Variants in SNRPB2 observed in about 807,000 individuals in gnomAD.
SNRPB2 encodes small nuclear ribonucleoprotein polypeptide B2.
SNRPB2 carries 16 observed loss-of-function variants against 26.3 expected under a neutral mutation model. That is an observed-to-expected ratio of 0.61 (90% confidence interval 0.41 to 0.92). The LOEUF is 0.92. Among genes scored for constraint, SNRPB2 ranks in the 40% least tolerant of loss-of-function variants. The pLI is 0.00. For missense variants in SNRPB2, 179 were observed against 268.1 expected (o/e 0.67, Z 2.32); for synonymous variants, 75 against 89.0 (o/e 0.84, Z 0.88).
chr20:16,735,612 A>T (rs142502173), intron 3 of SNRPB2, among the ~76,000 whole-genome samples: 1 of 152,168 alleles, frequency 6.6e-6, no homozygotes, highest in Non-Finnish European at 1.5e-5. Flanking sequence ...GACCTACTAC[A>T]TCAGAGCTTT....
chr20:16,731,535 A>G, intron 1 of SNRPB2, 133 bp from the exon 2 acceptor site: 1 of 831,864 alleles, frequency 1.2e-6, no homozygotes, highest in East Asian at 2.8e-5. Context: ...GGTGCTGGAG[A>G]TACAATAAAG....
rs143216482 is a variant in SNRPB2, at chr20:16,739,144, T to G, written c.429+242T>G. Among the ~76,000 whole-genome samples the G allele has an allele frequency of 1.7e-3, 256 of 152,294 alleles. 2 individuals carry two copies. Among genetic ancestry groups the G allele is most frequent in the Middle Eastern group, 0.014 (4 of 294 alleles). On this transcript the variant is annotated intron_variant, in intron 5 of 6. Coordinates refer to ENST00000246071, the MANE Select transcript of SNRPB2 (RefSeq NM_003092.5). ...TTTCCATAATGAATCAATGACAGAA[T>G]CAAAATGACAGACTTTAAACTCTAA... is the stretch of plus-strand genomic sequence containing the variant.
In SNRPB2 at chr20:16,741,591, AAAC is replaced by A. The variant is rs2072463123; in HGVS notation, c.*588_*590del. The A allele has an allele frequency of 2.6e-5, 4 of 152,220 alleles. No homozygotes were observed. The East Asian group carries it at 7.7e-4, about 29-fold the overall frequency. 9.4% of individuals were successfully genotyped at this position (152,220 alleles called of 1,614,324 possible). A position where few individuals can be genotyped will look rare whatever the true frequency, so the allele number is the denominator to read the frequency against. On this transcript the variant is annotated 3_prime_UTR_variant, in exon 7 of 7. Transcript: ENST00000246071. ...AGGCTGTTCTTACTGTTTACTGAGA[AAAC>A]AGAAAGGGAATGCTATCTTCACACT...
chr20:16,742,136 T>C lies in SNRPB2; in HGVS notation c.*1131T>C, dbSNP rs2072466918. On this transcript the variant is annotated 3_prime_UTR_variant, in exon 7 of 7. Transcript: ENST00000246071. ...GAAAAAAATGTTTCCTATAACTTTGTCACAGTTAGTCTGACTCTTCTGAAT... is the reference window on the plus strand; with the variant it reads ...GAAAAAAATGTTTCCTATAACTTTGCCACAGTTAGTCTGACTCTTCTGAAT... 1 of 152,224 alleles carries C rather than the reference T, an allele frequency of 6.6e-6. No individual in the cohort carries two copies. Among genetic ancestry groups the C allele is most frequent in the Admixed American group, 6.5e-5 (1 of 15,276 alleles). The allele number at this position is 152,224 out of a possible 1,614,324, so 9.4% of individuals were successfully genotyped here.
At chr20:16,738,038 CA>C (rs1042055719) in intron 4 of SNRPB2, among the ~76,000 whole-genome samples, 37 of 55,778 alleles carry the variant, frequency 6.6e-4, no homozygotes, top group Non-Finnish European at 9.2e-4. Context: ...GACTCTGTCT[CA>C]AAAAAAAAAA....
In SNRPB2 at chr20:16,740,525, G is replaced by A. The variant is rs994372742; in HGVS notation, c.518+112G>A. 9.4e-6 allele frequency: 14 copies of A among 1,486,570 alleles called. No individual in the cohort carries two copies. The African/African-American group carries it at 1.8e-4, about 19-fold the overall frequency. The allele number at this position is 1,486,570 out of a possible 1,614,324, so 92.1% of individuals were successfully genotyped here. Reference sequence around the variant, plus strand: ...AGCAGTAATTCCTTACAGGTTCATTGATTTGGTTTGGGATGAATCATGAAT... The same window carrying A: ...AGCAGTAATTCCTTACAGGTTCATTAATTTGGTTTGGGATGAATCATGAAT... On this transcript the variant is annotated intron_variant, in intron 6 of 6. Transcript: ENST00000246071.
At chr20:16,736,046 G>A (rs1489496085) in intron 3 of SNRPB2, among the ~76,000 whole-genome samples, 3 of 152,116 alleles carry the variant, frequency 2.0e-5, no homozygotes, top group African/African-American at 7.2e-5. Flanking sequence ...TTAAACACAC[G>A]TGCTTATAGC....
chr20:16,737,032 A>G (rs576527069), intron 3 of SNRPB2, among the ~76,000 whole-genome samples: 188 of 152,280 alleles, frequency 1.2e-3, no homozygotes, highest in African/African-American at 4.3e-3. Context: ...ACATGAAAAT[A>G]TATGTTTTTT....
At chr20:16,736,905 A>G (rs759774172) in intron 3 of SNRPB2, among the ~76,000 whole-genome samples, 3 of 152,232 alleles carry the variant, frequency 2.0e-5, no homozygotes, top group Non-Finnish European at 4.4e-5. Flanking sequence ...CAGGATTCCA[A>G]AGCCCGCTGG....
intron 3 of SNRPB2, among the ~76,000 whole-genome samples, chr20:16,734,274 C>T (rs2072411440): frequency 6.6e-6 from 1 of 152,092 alleles, no homozygotes; most frequent in Non-Finnish European, 1.5e-5. Flanking sequence ...CAGATACTGC[C>T]AAATCTCCAT....
chr20:16,739,106 C>T lies in SNRPB2; in HGVS notation c.429+204C>T, dbSNP rs75800849. 8.5e-5 allele frequency among the ~76,000 whole-genome samples: 13 copies of T among 152,300 alleles called. No homozygotes were observed. The East Asian group carries it at 2.3e-3, about 27-fold the overall frequency. On this transcript the variant is annotated intron_variant, in intron 5 of 6. Coordinates refer to ENST00000246071, the MANE Select transcript of SNRPB2 (RefSeq NM_003092.5). ...TTTAGAGAGAGAAAACGACACCTGA[C>T]TTTATTTCTTGTTTTCCATAATGAA...
rs1186048773 is a variant in SNRPB2 at position 16,742,292 on chromosome 20, C to A, written c.*1287C>A. On this transcript the variant is annotated 3_prime_UTR_variant, in exon 7 of 7. Transcript: ENST00000246071. The stretch of plus-strand genomic sequence containing the variant: ...TGCTGATAAATTTTCTAACTGCTTA[C>A]TCTCGGATACCGTACTTGTCTAAGA... 1.3e-5 allele frequency: 2 copies of A among 152,128 alleles called. No individual in the cohort carries two copies. Among genetic ancestry groups the A allele is most frequent in the African/African-American group, 4.8e-5 (2 of 41,420 alleles). 9.4% of individuals were successfully genotyped at this position (152,128 alleles called of 1,614,324 possible). A position where few individuals can be genotyped will look rare whatever the true frequency, so the allele number is the denominator to read the frequency against.
intron 6 of SNRPB2, 78 bp from the exon 7 acceptor site, chr20:16,740,768 A>G: frequency 3.7e-6 from 4 of 1,075,250 alleles, no homozygotes; most frequent in Non-Finnish European, 5.5e-6. Flanking sequence ...TAGTATTAGG[A>G]AGTTGCTTAA....
In SNRPB2 at chr20:16,731,682, C is replaced by T. The variant is rs1157463646; in HGVS notation, c.-21C>T. 1.2e-6 allele frequency: 2 copies of T among 1,611,006 alleles called. No homozygotes were observed. Among genetic ancestry groups the T allele is most frequent in the African/African-American group, 2.7e-5 (2 of 74,844 alleles). On this transcript the variant is annotated 5_prime_UTR_variant, in exon 2 of 7. Coordinates refer to ENST00000246071, the MANE Select transcript of SNRPB2 (RefSeq NM_003092.5). Reference sequence around the variant, plus strand: ...TTTTATAACAGATTTTTTACTGTCTCCTGAAGAATTTAACACAAACATGGA... The same window carrying T: ...TTTTATAACAGATTTTTTACTGTCTTCTGAAGAATTTAACACAAACATGGA...
chr20:16,738,790 A>T, intron 4 of SNRPB2, 62 bp from the exon 5 acceptor site: 1 of 873,808 alleles, frequency 1.1e-6, no homozygotes, highest in East Asian at 2.4e-5. Flanking sequence ...TTATAAATAT[A>T]AATACCTGCT....
chr20:16,734,388 CA>C (rs1188698881), intron 3 of SNRPB2, among the ~76,000 whole-genome samples: 2 of 152,050 alleles, frequency 1.3e-5, no homozygotes, highest in South Asian at 2.1e-4. Context: ...CAGAAATGAA[CA>C]AAATTTGCTA....
chr20:16,732,250 C>A lies in SNRPB2; in HGVS notation c.151C>A (p.Gln51Lys). 1 of 1,599,416 alleles carries A rather than the reference C, an allele frequency of 6.3e-7. No individual in the cohort carries two copies. The change falls in exon 3 of 7, where the codon CAG (glutamine) becomes AAG (lysine). Residue 51 changes from glutamine to lysine, a missense_variant. By Grantham distance (53) the Gln-to-Lys change is moderately conservative (BLOSUM62 1). Coordinates refer to ENST00000246071, the MANE Select transcript of SNRPB2 (RefSeq NM_003092.5). ...VALKTMKMRG[Q>K]AFVIFKELGS... ...TTTAAAGACCATGAAGATGAGGGGGCAGGCCTTTGTCATATTTAAGGAACT... is the reference window on the plus strand; with the variant it reads ...TTTAAAGACCATGAAGATGAGGGGGAAGGCCTTTGTCATATTTAAGGAACT...
intron 3 of SNRPB2, among the ~76,000 whole-genome samples, chr20:16,732,976 A>G (rs1297942931): frequency 6.6e-6 from 1 of 152,224 alleles, no homozygotes; most frequent in Non-Finnish European, 1.5e-5. Context: ...AGAGGATCAG[A>G]TAAGGGTGAC....
intron 4 of SNRPB2, among the ~76,000 whole-genome samples, chr20:16,737,885 A>G (rs2072437559): frequency 1.3e-5 from 2 of 151,700 alleles, no homozygotes; most frequent in Non-Finnish European, 2.9e-5. Flanking sequence ...AAATACAAAA[A>G]AAATTTAGCT....
Sources: gnomAD v4.1 joint callset for allele counts (sites outside exome capture counted in the v4.1 genomes callset) on GRCh38, gnomAD v4.1.1 for gene constraint, MANE v1.5 for transcripts, NCBI Gene and HGNC (gene_info 2026-07-23, HGNC 2026-07-21) for gene names.